The following NCAM2 variants were observed in gnomAD, a reference collection of about 807,000 sequenced individuals.
NCAM2 encodes N-CAM-2.
Under a neutral mutation model 98.1 loss-of-function variants are expected in NCAM2, and 30 were observed. The ratio of observed to expected loss-of-function variants is 0.31; its 90% confidence interval spans 0.23 to 0.41. The LOEUF (loss-of-function observed/expected upper bound fraction) is 0.41, where lower values mean the gene tolerates loss of function less well. Among genes scored for constraint, NCAM2 ranks in the 10% least tolerant of loss-of-function variants. The pLI is 1.00. For missense variants in NCAM2, 867 were observed against 1,005.8 expected (o/e 0.86, Z 1.87); for synonymous variants, 368 against 342.4 (o/e 1.07, Z -0.83).
chr21:21,292,315 G>A, intron 5 of NCAM2, 74 bp downstream of exon 5: 1 of 1,445,960 alleles, frequency 6.9e-7, no homozygotes, highest in Non-Finnish European at 9.5e-7. Flanking sequence ...GCAACCATGT[G>A]AACTCAAAAT....
intron 1 of NCAM2, among the ~76,000 whole-genome samples, chr21:21,217,064 G>T (rs565943249): frequency 6.6e-6 from 1 of 152,250 alleles, no homozygotes; most frequent in South Asian, 2.1e-4. Context: ...GGTATAAGGG[G>T]TATACATAGC....
At chr21:21,246,555 T>C (rs111504504) in intron 1 of NCAM2, among the ~76,000 whole-genome samples, 2 of 152,164 alleles carry the variant, frequency 1.3e-5, no homozygotes, top group African/African-American at 4.8e-5. Context: ...ATAGTTGTTA[T>C]TTTATGTAAA....
At chr21:21,257,330 A>G (rs2071711230) in intron 1 of NCAM2, among the ~76,000 whole-genome samples, 1 of 152,166 alleles carries the variant, frequency 6.6e-6, no homozygotes, top group African/African-American at 2.4e-5. Flanking sequence ...TAAAGAACGA[A>G]ATAAACTGTT....
intron 1 of NCAM2, among the ~76,000 whole-genome samples, chr21:21,174,177 C>T (rs1279074074): frequency 1.3e-5 from 2 of 152,172 alleles, no homozygotes; most frequent in Non-Finnish European, 2.9e-5. Context: ...CCTGCTTCAG[C>T]CTCCCCAAGT....
intron 8 of NCAM2, among the ~76,000 whole-genome samples, chr21:21,339,005 T>C (rs1218020697): frequency 6.6e-6 from 1 of 152,128 alleles, no homozygotes; most frequent in African/African-American, 2.4e-5. Context: ...TGATTGTATA[T>C]TTAGAAAACA....
rs77747670 is a variant in NCAM2, at chr21:21,009,039, C to T, written c.55+10421C>T. On this transcript the variant is annotated intron_variant, in intron 1 of 17. Coordinates refer to ENST00000400546, the MANE Select transcript of NCAM2 (RefSeq NM_004540.5). ...TGTGAACTCCATGGGAGCAAGAATG[C>T]CTTTCCCTGCTAGTGTCCCATTAAA... 6.6e-4 allele frequency among the ~76,000 whole-genome samples: 100 copies of T among 152,202 alleles called. 3 individuals are homozygous for T. The East Asian group carries it at 0.019, about 29-fold the overall frequency.
intron 5 of NCAM2, among the ~76,000 whole-genome samples, chr21:21,307,007 G>A (rs1417478389): frequency 6.6e-6 from 1 of 152,008 alleles, no homozygotes; most frequent in Non-Finnish European, 1.5e-5. Flanking sequence ...CTATCCATGT[G>A]GTTGCAAATA....
At chr21:21,065,094 C>T (rs964550053) in intron 1 of NCAM2, among the ~76,000 whole-genome samples, 3 of 151,894 alleles carry the variant, frequency 2.0e-5, no homozygotes, top group South Asian at 2.1e-4. Flanking sequence ...GCAGGAGAAT[C>T]GCTTGAACCG....
intron 10 of NCAM2, among the ~76,000 whole-genome samples, chr21:21,410,810 C>T (rs1408520245): frequency 2.0e-5 from 3 of 150,516 alleles, no homozygotes; most frequent in South Asian, 2.1e-4. Flanking sequence ...AGACTGAGAC[C>T]GTCCTGGCCA....
intron 1 of NCAM2, among the ~76,000 whole-genome samples, chr21:21,245,353 G>A (rs1002292374): frequency 1.3e-5 from 2 of 152,172 alleles, no homozygotes; most frequent in African/African-American, 4.8e-5. Context: ...ATATGTGAGT[G>A]ATTGCATATG....
At chr21:21,347,198 A>G (rs1351260593) in intron 8 of NCAM2, among the ~76,000 whole-genome samples, 3 of 151,968 alleles carry the variant, frequency 2.0e-5, no homozygotes, top group African/African-American at 7.2e-5. Context: ...ACCAATACTG[A>G]TGAGCAACTA....
chr21:21,448,732 T>G (rs1980572359), intron 12 of NCAM2, among the ~76,000 whole-genome samples: 1 of 152,048 alleles, frequency 6.6e-6, no homozygotes, highest in African/African-American at 2.4e-5. Flanking sequence ...AAATTGACTA[T>G]AAAATTCATC....
At chr21:21,200,806 A>G (rs961608298) in intron 1 of NCAM2, among the ~76,000 whole-genome samples, 1 of 117,502 alleles carries the variant, frequency 8.5e-6, no homozygotes, top group Non-Finnish European at 1.7e-5. Flanking sequence ...TTTTGGTTCC[A>G]TCTTTGAGAA....
At chr21:21,160,191 GTGTGGACATCA>G (rs1467549222) in intron 1 of NCAM2, among the ~76,000 whole-genome samples, 2 of 151,950 alleles carry the variant, frequency 1.3e-5, no homozygotes, top group African/African-American at 4.8e-5. Context: ...TATTTTCAGC[GTGTGGACATCA>G]TGTGGACAAA....
chr21:21,368,237 A>G (rs2075833335), intron 8 of NCAM2, among the ~76,000 whole-genome samples: 1 of 151,908 alleles, frequency 6.6e-6, no homozygotes. Context: ...AACATTTTAT[A>G]CCTAAAGGGT....
chr21:21,094,475 TATA>T (rs1273431325), intron 1 of NCAM2, among the ~76,000 whole-genome samples: 2 of 151,836 alleles, frequency 1.3e-5, no homozygotes, highest in African/African-American at 4.8e-5. Context: ...AGACATTGAG[TATA>T]ATAATAGTTT....
intron 1 of NCAM2, among the ~76,000 whole-genome samples, chr21:21,056,647 T>C (rs971028732): frequency 1.3e-5 from 2 of 151,888 alleles, no homozygotes; most frequent in Non-Finnish European, 2.9e-5. Context: ...AGGTGTGACA[T>C]GGCTCTCCAG....
chr21:21,347,596 C>G (rs966983911), intron 8 of NCAM2, among the ~76,000 whole-genome samples: 4 of 151,938 alleles, frequency 2.6e-5, no homozygotes, highest in Non-Finnish European at 4.4e-5. Context: ...TAATCCCAGT[C>G]CTACTCAAAC....
intron 1 of NCAM2, among the ~76,000 whole-genome samples, chr21:21,065,840 A>G (rs2065425655): frequency 6.6e-6 from 1 of 152,184 alleles, no homozygotes; most frequent in African/African-American, 2.4e-5. Context: ...ATTTGAGCAA[A>G]TTAGACAAGG....
Sources: allele counts gnomAD v4.1 joint callset (sites outside exome capture counted in the v4.1 genomes callset), GRCh38; gene constraint gnomAD v4.1.1; transcripts MANE v1.5; gene names NCBI Gene and HGNC (gene_info 2026-07-23, HGNC 2026-07-21).